ASCC3: variants seen among roughly 807,000 people sequenced by gnomAD.
The protein encoded by ASCC3 is ASC-1 complex subunit P200.
ASCC3 carries 158 observed loss-of-function variants against 256.3 expected under a neutral mutation model. That is an observed-to-expected ratio of 0.62 (90% confidence interval 0.54 to 0.70). The LOEUF is 0.70. Ranked by LOEUF, ASCC3 falls within the 30% of genes least tolerant of loss-of-function variation. The probability of loss-of-function intolerance (pLI) is 0.00; values close to 1 mark genes in which losing one functional copy is unlikely to be tolerated. For synonymous variants in ASCC3, 948 were observed against 883.4 expected (o/e 1.07, Z -1.30); for missense variants, 2,259 against 2,626.0 (o/e 0.86, Z 3.05).
At position 100,589,866 on chromosome 6, in the gene ASCC3, A is replaced by C. The variant is rs940262088; in HGVS notation, c.5415+82T>G. 10 of 1,592,094 alleles carry C rather than the reference A, an allele frequency of 6.3e-6. No individual in the cohort carries two copies. The Admixed American group carries it at 1.7e-4, about 27-fold the overall frequency. ...GTGCTTTTGAAACAATTTTTTAAAA[A>C]ATTTTGATAGTATTAAAAGCAAAAG... is the stretch of plus-strand genomic sequence containing the variant. On this transcript the variant is annotated intron_variant, in intron 35 of 41. Coordinates refer to ENST00000369162, the MANE Select transcript of ASCC3 (RefSeq NM_006828.4).
chr6:100,564,013 C>A (rs893583021), intron 36 of ASCC3, among the ~76,000 whole-genome samples: 1 of 151,582 alleles, frequency 6.6e-6, no homozygotes, highest in Non-Finnish European at 1.5e-5. Context: ...TGCAGTTATG[C>A]CTGTTTGACG....
chr6:100,739,575 T>C (rs1347074661), intron 10 of ASCC3, among the ~76,000 whole-genome samples: 2 of 152,208 alleles, frequency 1.3e-5, no homozygotes, highest in African/African-American at 2.4e-5. Flanking sequence ...CTGGACTTTT[T>C]TTGGTTGGTA....
intron 27 of ASCC3, among the ~76,000 whole-genome samples, chr6:100,628,469 A>G (rs1774364129): frequency 6.6e-6 from 1 of 152,172 alleles, no homozygotes; most frequent in East Asian, 1.9e-4. Context: ...TGATAGGATC[A>G]TGGGGGCTGT....
At chr6:100,811,075 GA>G (rs1241923012) in intron 4 of ASCC3, among the ~76,000 whole-genome samples, 1 of 152,074 alleles carries the variant, frequency 6.6e-6, no homozygotes, top group Non-Finnish European at 1.5e-5. Context: ...AAGTCACCTA[GA>G]AACAGTGTCC....
chr6:100,640,158 G>A (rs1462007151), intron 24 of ASCC3, among the ~76,000 whole-genome samples: 2 of 151,966 alleles, frequency 1.3e-5, no homozygotes, highest in Non-Finnish European at 2.9e-5. Context: ...GAAGGAAGGA[G>A]GGGAGGCATT....
intron 14 of ASCC3, among the ~76,000 whole-genome samples, chr6:100,671,533 TAGTTTCAGA>T (rs1232216383): frequency 6.6e-6 from 1 of 152,086 alleles, no homozygotes. Context: ...GTAAGGTATG[TAGTTTCAGA>T]ACTGTCTAAG....
chr6:100,718,008 T>A, intron 12 of ASCC3, 67 bp downstream of exon 12: 1 of 1,514,194 alleles, frequency 6.6e-7, no homozygotes, highest in Non-Finnish European at 9.1e-7. Flanking sequence ...AGTCTCTAAC[T>A]CCAAACAAGT....
At chr6:100,778,033 T>C (rs1782268885) in intron 8 of ASCC3, among the ~76,000 whole-genome samples, 1 of 150,966 alleles carries the variant, frequency 6.6e-6, no homozygotes, top group Non-Finnish European at 1.5e-5. Flanking sequence ...TGGAGAGAAG[T>C]AGCAGAACCC....
At chr6:100,773,175 T>C (rs1451139678) in intron 8 of ASCC3, among the ~76,000 whole-genome samples, 1 of 152,194 alleles carries the variant, frequency 6.6e-6, no homozygotes, top group African/African-American at 2.4e-5. Context: ...TTAGATAATA[T>C]TTATAAATCA....
At chr6:100,758,487 T>C (rs182222198) in intron 10 of ASCC3, among the ~76,000 whole-genome samples, 81 of 152,198 alleles carry the variant, frequency 5.3e-4, no homozygotes, top group Non-Finnish European at 9.9e-4. Context: ...CAACATGCAG[T>C]GTTTGGTTTT....
At chr6:100,694,148 A>G (rs1777966753) in intron 13 of ASCC3, among the ~76,000 whole-genome samples, 1 of 147,628 alleles carries the variant, frequency 6.8e-6, no homozygotes, top group Non-Finnish European at 1.5e-5. Context: ...TATTTTTGGG[A>G]AAAAAATTGG....
At chr6:100,701,657 G>C (rs1778359943) in intron 13 of ASCC3, among the ~76,000 whole-genome samples, 1 of 151,976 alleles carries the variant, frequency 6.6e-6, no homozygotes. Context: ...TATAATAAAG[G>C]GTGACACTAA....
At chr6:100,759,304 G>T (rs913870024) in intron 10 of ASCC3, among the ~76,000 whole-genome samples, 1 of 152,128 alleles carries the variant, frequency 6.6e-6, no homozygotes, top group Non-Finnish European at 1.5e-5. Context: ...TCATCATGAA[G>T]TCTTTGCCCA....
rs1298637544 is a variant in ASCC3, at chr6:100,661,946, G to A, written c.2563C>T (p.Arg855Ter). ...DVMQIFGRAG[R>*]PQFDKFGEGI... ...TCCCCAAATTTGTCAAATTGTGGTC[G>A]TCCAGCTCGACCAAATATCTGCATG... is the stretch of plus-strand genomic sequence containing the variant. Residue 855 changes from arginine (R) to a stop codon, truncating the protein, a stop_gained, in exon 16 of 42, where the codon CGA becomes TGA. Transcript: ENST00000369162. LOFTEE classifies it high-confidence loss of function. 5.6e-6 allele frequency: 9 copies of A among 1,613,292 alleles called. No individual in the cohort carries two copies. The highest frequency in any genetic ancestry group is 1.7e-5 in the Admixed American group (1 of 59,902).
intron 36 of ASCC3, among the ~76,000 whole-genome samples, chr6:100,585,965 C>A (rs992104013): frequency 1.3e-5 from 2 of 152,090 alleles, no homozygotes; most frequent in Non-Finnish European, 2.9e-5. Flanking sequence ...GAGTACTCGG[C>A]CATGTGAGTT....
chr6:100,598,031 T>C (rs901804832), intron 34 of ASCC3, among the ~76,000 whole-genome samples: 4 of 150,436 alleles, frequency 2.7e-5, no homozygotes, highest in Non-Finnish European at 1.5e-5. Flanking sequence ...CAGTTGAAGC[T>C]ACATTTATCA....
Position 100,612,476 on chromosome 6 carries a change from C to T in ASCC3, c.4786-5388G>A, listed in dbSNP as rs919772223. ...TACTCTTTTCAAAGCATGTCAGACTCAGACCATATGCCACTGAATAATGCT... is the reference window on the plus strand; with the variant it reads ...TACTCTTTTCAAAGCATGTCAGACTTAGACCATATGCCACTGAATAATGCT... On this transcript the variant is annotated intron_variant, in intron 30 of 41. Transcript: ENST00000369162. Among the ~76,000 whole-genome samples the T allele has an allele frequency of 1.3e-5, 2 of 152,076 alleles. 1 individual carries two copies. Among genetic ancestry groups the T allele is most frequent in the Middle Eastern group, 6.3e-3 (2 of 316 alleles).
intron 8 of ASCC3, among the ~76,000 whole-genome samples, chr6:100,797,661 T>C (rs896598103): frequency 2.0e-5 from 3 of 151,920 alleles, no homozygotes; most frequent in African/African-American, 7.3e-5. Context: ...AAAAAATCAT[T>C]CCCAAAATAT....
chr6:100,591,815 C>T (rs892216196), intron 34 of ASCC3, among the ~76,000 whole-genome samples: 5 of 151,826 alleles, frequency 3.3e-5, no homozygotes, highest in African/African-American at 1.2e-4. Flanking sequence ...AGCCGTTGTC[C>T]TATATATAAC....
Sources: allele counts gnomAD v4.1 joint callset (sites outside exome capture counted in the v4.1 genomes callset), GRCh38; gene constraint gnomAD v4.1.1; transcripts MANE v1.5; gene names NCBI Gene and HGNC (gene_info 2026-07-23, HGNC 2026-07-21).